COL15A1: variants seen among roughly 807,000 people sequenced by gnomAD.
COL15A1 encodes the protein collagen type XV alpha 1 chain.
Under a neutral mutation model 165.9 loss-of-function variants are expected in COL15A1, and 111 were observed. That is an observed-to-expected ratio of 0.67 (90% CI 0.57 to 0.78). COL15A1 has a LOEUF of 0.78. Among genes scored for constraint, COL15A1 ranks in the 30% least tolerant of loss-of-function variants. The pLI, the probability that COL15A1 is intolerant of heterozygous loss-of-function variation, is 0.00. For missense variants in COL15A1, 1,745 were observed against 1,789.7 expected (o/e 0.98, Z 0.45); for synonymous variants, 659 against 674.8 (o/e 0.98, Z 0.36).
Position 99,042,104 on chromosome 9 carries a change from A to G in COL15A1, c.2571A>G (p.Glu857=), listed in dbSNP as rs746042726. 2.5e-6 allele frequency: 4 copies of G among 1,611,296 alleles called. No homozygotes were observed. The highest frequency in any genetic ancestry group is 3.4e-6 in the Non-Finnish European group (4 of 1,178,194). Residue 857 remains glutamate (E), a synonymous_variant, in exon 24 of 42, where the codon GAA becomes GAG. Coordinates refer to ENST00000375001, the MANE Select transcript of COL15A1 (RefSeq NM_001855.5). ...CTGGCTTTCCAGGACTAAAAGGAGA[A>G]CAGGTAAGAGGGGCCCAGGTATCTG... ...GLPGFPGLKG[E]QGEKGEPGAI... is the part of the protein sequence containing the mutation.
chr9:99,046,232 G>A (rs906692303), intron 26 of COL15A1, among the ~76,000 whole-genome samples: 1 of 152,208 alleles, frequency 6.6e-6, no homozygotes, highest in Non-Finnish European at 1.5e-5. Context: ...TGCTGTGTGG[G>A]CTAGCTGTGG....
intron 2 of COL15A1, among the ~76,000 whole-genome samples, chr9:98,950,882 C>T (rs571965365): frequency 5.9e-5 from 9 of 152,266 alleles, no homozygotes; most frequent in African/African-American, 2.2e-4. Flanking sequence ...GGATTACAGG[C>T]GTGAGCCACT....
chr9:98,976,964 C>G (rs774973611), intron 2 of COL15A1, among the ~76,000 whole-genome samples: 1 of 152,042 alleles, frequency 6.6e-6, no homozygotes, highest in Non-Finnish European at 1.5e-5. Flanking sequence ...GTGGAGGGAA[C>G]AGCATACACA....
intron 5 of COL15A1, among the ~76,000 whole-genome samples, chr9:98,996,552 T>A (rs1260071206): frequency 6.6e-6 from 1 of 152,246 alleles, no homozygotes; most frequent in African/African-American, 2.4e-5. Context: ...TATATGCAGT[T>A]TATTGAGTGC....
intron 2 of COL15A1, among the ~76,000 whole-genome samples, chr9:98,980,193 T>TACACATTC (rs1339533803): frequency 6.6e-6 from 1 of 150,704 alleles, no homozygotes; most frequent in Non-Finnish European, 1.5e-5. Context: ...TGAGAATATG[T>TACACATTC]ACACATTCAT....
chr9:98,952,473 T>C (rs1837704322), intron 2 of COL15A1, among the ~76,000 whole-genome samples: 1 of 152,250 alleles, frequency 6.6e-6, no homozygotes, highest in South Asian at 2.1e-4. Context: ...TTATCTTTTT[T>C]CTTCTAGCTA....
chr9:99,023,300 G>T (rs890291395), intron 13 of COL15A1, 57 bp from the exon 14 acceptor site: 3 of 1,535,182 alleles, frequency 2.0e-6, no homozygotes, highest in Non-Finnish European at 2.6e-6. Flanking sequence ...CAGTGACGTG[G>T]CTGTCCTTGG....
chr9:99,035,392 A>G lies in COL15A1; in HGVS notation c.2263A>G (p.Lys755Glu), dbSNP rs1263558410. Reference sequence around the variant, plus strand: ...AAGCACCCAGCTATTGAATGAACCCAAACTCTCCAGACCAACGGCTGCAAT... The same window carrying G: ...AAGCACCCAGCTATTGAATGAACCCGAACTCTCCAGACCAACGGCTGCAAT... ...SGSTQLLNEP[K>E]LSRPTAAIGL... Residue 755 changes from lysine to glutamate, a missense_variant, in exon 19 of 42, where the codon AAA becomes GAA. By Grantham distance (56) the Lys-to-Glu change is moderately conservative (BLOSUM62 1). Transcript: ENST00000375001. 7 of 1,614,036 alleles carry G rather than the reference A, an allele frequency of 4.3e-6. No homozygotes were observed. Among genetic ancestry groups the G allele is most frequent in the Non-Finnish European group, 5.9e-6 (7 of 1,180,034 alleles).
At chr9:98,944,686 C>T (rs1300210476) in intron 2 of COL15A1, among the ~76,000 whole-genome samples, 1 of 152,246 alleles carries the variant, frequency 6.6e-6, no homozygotes, top group Non-Finnish European at 1.5e-5. Flanking sequence ...ACATCTGGGG[C>T]TTTTGCTGCT....
intron 2 of COL15A1, among the ~76,000 whole-genome samples, chr9:98,958,335 T>TGTGCTCAGCC (rs1022161410): frequency 3.3e-5 from 5 of 152,236 alleles, no homozygotes; most frequent in Admixed American, 6.5e-5. Context: ...TCGGCTCAGC[T>TGTGCTCAGCC]CTGCTCAGCC....
rs1390888714 is a variant in COL15A1 at position 99,036,196 on chromosome 9, G to A, written c.2316G>A (p.Arg772=). The change falls in exon 20 of 42, where the codon CGG becomes CGA. Residue 772 remains arginine (R), a synonymous_variant. Coordinates refer to ENST00000375001, the MANE Select transcript of COL15A1 (RefSeq NM_001855.5). ...AIGLKGEKGD[R]GPKGERGMDG... is the part of the protein sequence containing the mutation. ...GTCTCAAAGGAGAGAAAGGAGACCG[G>A]GGACCCAAGGTGAGGTCACAGAGCC... The A allele has an allele frequency of 3.7e-6, 6 of 1,613,474 alleles. No homozygotes were observed. In the African/African-American group the frequency reaches 5.3e-5, roughly 14 times the overall value.
At position 99,016,102 on chromosome 9, in the gene COL15A1, G is replaced by T; in HGVS notation, c.1630G>T (p.Glu544Ter). Residue 544 changes from glutamate to a stop codon, truncating the protein, a stop_gained, in exon 11 of 42, where the codon GAA (glutamate) becomes TAA (stop). Coordinates refer to ENST00000375001, the MANE Select transcript of COL15A1 (RefSeq NM_001855.5). LOFTEE classifies it high-confidence loss of function. ...PPLPLPTVAP[E>*]RWITPAQREH... The stretch of plus-strand genomic sequence containing the variant: ...GCTGCCCCTGCCCACAGTGGCTCCT[G>T]AAAGATGGATCACTCCAGTAAGTGG... The T allele has an allele frequency of 6.2e-7, 1 of 1,612,100 alleles. No homozygotes were observed. The highest frequency in any genetic ancestry group is 1.1e-5 in the South Asian group (1 of 90,854).
At chr9:98,972,245 C>T (rs897738800) in intron 2 of COL15A1, among the ~76,000 whole-genome samples, 1 of 152,114 alleles carries the variant, frequency 6.6e-6, no homozygotes, top group Admixed American at 6.5e-5. Context: ...TGCCAAAGCC[C>T]AGGCAGTTAG....
At chr9:99,018,353 G>A (rs1022687218) in intron 11 of COL15A1, among the ~76,000 whole-genome samples, 6 of 152,118 alleles carry the variant, frequency 3.9e-5, no homozygotes, top group Non-Finnish European at 8.8e-5. Context: ...TTAGACCCTT[G>A]ATGTTTTCAG....
intron 2 of COL15A1, among the ~76,000 whole-genome samples, chr9:98,981,832 TCTCA>T (rs1838240080): frequency 6.6e-6 from 1 of 152,142 alleles, no homozygotes; most frequent in African/African-American, 2.4e-5. Context: ...TAGAGACAGG[TCTCA>T]CTCTGCCACC....
rs1837738044 is a variant in COL15A1, at chr9:98,954,204, A to T, written c.100+9954A>T. ...GCAGAGGGATGTGAGAAGTGTTTGTAAGAGATTCATTTTTTTCAATAAAAT... is the reference window on the plus strand; with the variant it reads ...GCAGAGGGATGTGAGAAGTGTTTGTTAGAGATTCATTTTTTTCAATAAAAT... On this transcript the variant is annotated intron_variant, in intron 2 of 41. Coordinates refer to ENST00000375001, the MANE Select transcript of COL15A1 (RefSeq NM_001855.5). Among the ~76,000 whole-genome samples the T allele has an allele frequency of 2.8e-5, 4 of 143,310 alleles. No homozygotes were observed. In the South Asian group the frequency reaches 9.1e-4, roughly 32 times the overall value. 94.0% of individuals were successfully genotyped at this position (143,310 alleles called of 152,430 possible).
In COL15A1 at chr9:99,066,992, A is replaced by G. The variant is rs1015643802; in HGVS notation, c.3762A>G (p.Leu1254=). Residue 1254 remains leucine (L), a synonymous_variant, in exon 40 of 42, where the codon TTA becomes TTG. Transcript: ENST00000375001. ...TGTTGTCCACCTACCGAGCATTCTTATCTTCCCATTTGCAAGATCTGTCCA... is the reference window on the plus strand; with the variant it reads ...TGTTGTCCACCTACCGAGCATTCTTGTCTTCCCATTTGCAAGATCTGTCCA... ...AGLLSTYRAF[L]SSHLQDLSTI... is the part of the protein sequence containing the mutation. 1.2e-6 allele frequency: 2 copies of G among 1,614,146 alleles called. No individual in the cohort carries two copies. The highest frequency in any genetic ancestry group is 1.7e-6 in the Non-Finnish European group (2 of 1,180,006).
rs200236497 is a variant in COL15A1 at position 99,035,426 on chromosome 9, G to A, written c.2289+8G>A. ...AGACCAACGGCTGCAATTGTAGGTC[G>A]CCTCTGAAACCTTCATTATGAGGGT... On this transcript the variant is annotated splice_region_variant and intron_variant, in intron 19 of 41. Transcript: ENST00000375001. The A allele has an allele frequency of 1.4e-5, 23 of 1,614,036 alleles. No homozygotes were observed. The highest frequency in any genetic ancestry group is 3.3e-5 in the South Asian group (3 of 91,086).
At chr9:98,970,718 G>A (rs575322792) in intron 2 of COL15A1, among the ~76,000 whole-genome samples, 4 of 152,222 alleles carry the variant, frequency 2.6e-5, no homozygotes, top group South Asian at 4.1e-4. Flanking sequence ...GTGTGTGGAT[G>A]TGGGTTAGTG....
Sources: allele counts gnomAD v4.1 joint callset (sites outside exome capture counted in the v4.1 genomes callset), GRCh38; gene constraint gnomAD v4.1.1; transcripts MANE v1.5; gene names NCBI Gene and HGNC (gene_info 2026-07-23, HGNC 2026-07-21).